Variants in AP3B2 observed in about 807,000 individuals in gnomAD.
The protein encoded by AP3B2 is adaptor related protein complex 3 subunit beta 2, also known as AP-3 complex subunit beta-2.
In AP3B2, 50 loss-of-function variants were observed where a neutral mutation model predicts 126.9. The ratio of observed to expected loss-of-function variants is 0.39; its 90% confidence interval spans 0.31 to 0.50. The LOEUF is 0.50. Ranked by LOEUF, AP3B2 falls within the 20% of genes least tolerant of loss-of-function variation. The probability of loss-of-function intolerance (pLI) is 0.79; values close to 1 mark genes in which losing one functional copy is unlikely to be tolerated. For synonymous variants in AP3B2, 541 were observed against 565.0 expected (o/e 0.96, Z 0.60); for missense variants, 1,177 against 1,426.4 (o/e 0.83, Z 2.82).
intron 1 of AP3B2, among the ~76,000 whole-genome samples, chr15:82,707,072 G>T (rs2048808429): frequency 6.6e-6 from 1 of 152,240 alleles, no homozygotes; most frequent in African/African-American, 2.4e-5. Context: ...CTTCCCTTCT[G>T]TCAGACATAA....
At position 82,677,394 on chromosome 15, in the gene AP3B2, A is replaced by C. The variant is rs2048261139; in HGVS notation, c.1379-11T>G. On this transcript the variant is annotated splice_polypyrimidine_tract_variant and intron_variant, in intron 12 of 26. Transcript: ENST00000535359. The stretch of plus-strand genomic sequence containing the variant: ...CTGCAACCACAAGCTCTACAGAACA[A>C]AAATGAGTGTGTGGACCCCAAGACA... 6.2e-7 allele frequency: 1 copy of C among 1,611,564 alleles called. No individual in the cohort carries two copies. The highest frequency in any genetic ancestry group is 8.5e-7 in the Non-Finnish European group (1 of 1,178,342).
intron 4 of AP3B2, among the ~76,000 whole-genome samples, chr15:82,682,311 C>T (rs572887463): frequency 1.3e-5 from 2 of 152,188 alleles, no homozygotes; most frequent in South Asian, 4.1e-4. Flanking sequence ...CCTCGGCCTC[C>T]CAAAGTACTG....
intron 1 of AP3B2, among the ~76,000 whole-genome samples, chr15:82,697,102 C>T (rs941129332): frequency 2.0e-5 from 3 of 152,160 alleles, no homozygotes; most frequent in African/African-American, 7.2e-5. Context: ...GAGGCCAAGG[C>T]AGGCGGATCA....
intron 1 of AP3B2, chr15:82,699,098 C>G (rs181850642): frequency 4.6e-5 from 7 of 152,734 alleles, no homozygotes; most frequent in East Asian, 1.9e-4. Context: ...GATCCCCTTA[C>G]GCTGCTGCAC....
At chr15:82,692,229 A>T in intron 1 of AP3B2, 5 of 1,093,546 alleles carry the variant, frequency 4.6e-6, no homozygotes, top group Non-Finnish European at 6.7e-6. Context: ...GGCGAAGGGC[A>T]CAAGGCAGTG....
intron 4 of AP3B2, chr15:82,686,256 C>T (rs188775786): frequency 1.3e-5 from 2 of 152,310 alleles, no homozygotes; most frequent in African/African-American, 4.8e-5. Context: ...ATCTGCTTGC[C>T]AGTCAGAGGT....
At chr15:82,677,908 A>C in intron 11 of AP3B2, 105 bp from the exon 12 acceptor site, 1 of 1,430,462 alleles carries the variant, frequency 7.0e-7, no homozygotes. Flanking sequence ...CCGGTGACTA[A>C]GACTTGGGAA....
intron 1 of AP3B2, among the ~76,000 whole-genome samples, chr15:82,703,721 G>A (rs1173079861): frequency 1.3e-5 from 2 of 151,930 alleles, no homozygotes; most frequent in East Asian, 1.9e-4. Context: ...TTTACACATC[G>A]GTCCCTCCCT....
chr15:82,669,231 C>A (rs2048108780), intron 14 of AP3B2, among the ~76,000 whole-genome samples: 1 of 152,100 alleles, frequency 6.6e-6, no homozygotes, highest in South Asian at 2.1e-4. Flanking sequence ...CTATCTAGAG[C>A]AATCAGACAG....
Position 82,659,314 on chromosome 15 carries a change from A to C in AP3B2, c.*246T>G. The stretch of plus-strand genomic sequence containing the variant: ...AGACATTTTATTGAGCCTGCTACAT[A>C]AATAGCTACAGAAATCTGGGAGGAC... On this transcript the variant is annotated 3_prime_UTR_variant, in exon 27 of 27. Coordinates refer to ENST00000535359, the MANE Select transcript of AP3B2 (RefSeq NM_001278512.2). 2.1e-6 allele frequency: 1 copy of C among 467,570 alleles called. No individual in the cohort carries two copies. Among genetic ancestry groups the C allele is most frequent in the South Asian group, 3.6e-5 (1 of 28,160 alleles). The allele number at this position is 467,570 out of a possible 1,614,324, so 29.0% of individuals were successfully genotyped here.
At position 82,689,399 on chromosome 15, in the gene AP3B2, C is replaced by T; in HGVS notation, c.168G>A (p.Glu56=). 6.2e-7 allele frequency: 1 copy of T among 1,613,956 alleles called. No homozygotes were observed. The change falls in exon 2 of 27, where the codon GAG becomes GAA. Residue 56 remains glutamate, a synonymous_variant. Coordinates refer to ENST00000535359, the MANE Select transcript of AP3B2 (RefSeq NM_001278512.2). ...TTACCGCCACAATCCTCTTCATGGC[C>T]TCCAGCTTGAGAGAATCCTTGTTGG... is the stretch of plus-strand genomic sequence containing the variant. ...LDTNKDSLKL[E]AMKRIVAMIA...
At chr15:82,667,066 G>T in intron 14 of AP3B2, 133 bp from the exon 15 acceptor site, 3 of 873,946 alleles carry the variant, frequency 3.4e-6, no homozygotes, top group Non-Finnish European at 5.2e-6. Context: ...CTTCCACCCA[G>T]CTGTCCCTCC....
At chr15:82,694,444 G>A (rs12903624) in intron 1 of AP3B2, among the ~76,000 whole-genome samples, 4,401 of 152,026 alleles carry the variant, frequency 0.029, 103 homozygotes, top group Non-Finnish European at 0.046. Flanking sequence ...CCAGCACTTT[G>A]GGAGACTGAG....
chr15:82,663,948 C>T lies in AP3B2; in HGVS notation c.2289G>A (p.Arg763=), dbSNP rs535229348. The change falls in exon 20 of 27, where the codon AGG becomes AGA. Residue 763 remains arginine (R), a synonymous_variant. Transcript: ENST00000535359. Reference sequence around the variant, plus strand: ...TCTCTGGCACCTTCTTCTTTGTCTTCCTCTTACCATCCTCCTCACTCTGTT... The same window carrying T: ...TCTCTGGCACCTTCTTCTTTGTCTTTCTCTTACCATCCTCCTCACTCTGTT... ...ESEQSEEDGK[R]KTKKKVPERK... The T allele has an allele frequency of 1.3e-4, 207 of 1,606,992 alleles. 3 individuals are homozygous for T. The South Asian group carries it at 2.0e-3, about 16-fold the overall frequency.
At position 82,663,822 on chromosome 15, in the gene AP3B2, A is replaced by G. The variant is rs1456609422; in HGVS notation, c.2415T>C (p.Pro805=). 1.2e-6 allele frequency: 2 copies of G among 1,613,304 alleles called. No homozygotes were observed. The highest frequency in any genetic ancestry group is 1.3e-5 in the African/African-American group (1 of 74,914). The change falls in exon 20 of 27, where the codon CCT becomes CCC. Residue 805 remains proline (P), a synonymous_variant. Coordinates refer to ENST00000535359, the MANE Select transcript of AP3B2 (RefSeq NM_001278512.2). ...TCACTGTTTTCCTGCTCCAGGAGGC[A>G]GGTTCTAACTGCTCCTCCTCGGACT... is the stretch of plus-strand genomic sequence containing the variant. ...TSESEEEQLE[P]ASWSRKTPPS...
At chr15:82,689,676 T>C (rs2048491207) in intron 1 of AP3B2, 1 of 574,614 alleles carries the variant, frequency 1.7e-6, no homozygotes, top group Non-Finnish European at 3.1e-6. Flanking sequence ...AAAGGATATA[T>C]TTAAGTCTTA....
chr15:82,709,824 G>C lies in AP3B2; in HGVS notation c.-118C>G, dbSNP rs994480131. The C allele has an allele frequency of 2.0e-5, 15 of 756,326 alleles. No homozygotes were observed. The highest frequency in any genetic ancestry group is 3.9e-5 in the Admixed American group (1 of 25,498). 46.9% of individuals were successfully genotyped at this position (756,326 alleles called of 1,614,324 possible). A position where few individuals can be genotyped will look rare whatever the true frequency, so the allele number is the denominator to read the frequency against. ...CTGGCGAAGGCGGCGGCGCGGCAGG[G>C]GTTCAGCAGAGGCTGCAGTGTGCAG... On this transcript the variant is annotated 5_prime_UTR_variant, in exon 1 of 27. Transcript: ENST00000535359.
intron 1 of AP3B2, among the ~76,000 whole-genome samples, chr15:82,708,433 C>A (rs1383578593): frequency 6.6e-6 from 1 of 151,888 alleles, no homozygotes; most frequent in Admixed American, 6.6e-5. Context: ...TCCCTCTAAA[C>A]CCCCACCCAA....
intron 14 of AP3B2, among the ~76,000 whole-genome samples, chr15:82,670,731 G>T (rs2048142494): frequency 6.6e-6 from 1 of 152,072 alleles, no homozygotes. Flanking sequence ...CAAAGGTTCT[G>T]CACAGCAAAG....
Sources: allele counts gnomAD v4.1 joint callset (sites outside exome capture counted in the v4.1 genomes callset), GRCh38; gene constraint gnomAD v4.1.1; transcripts MANE v1.5; gene names NCBI Gene and HGNC (gene_info 2026-07-23, HGNC 2026-07-21).